The following MGRN1 variants were observed in gnomAD, a reference collection of about 807,000 sequenced individuals.
MGRN1 encodes E3 ubiquitin-protein ligase MGRN1.
Under a neutral mutation model 69.2 loss-of-function variants are expected in MGRN1, and 29 were observed. The observed-to-expected ratio is 0.42, with a 90% CI of 0.31 to 0.57. MGRN1 has a LOEUF of 0.57. Among genes scored for constraint, MGRN1 ranks in the 20% least tolerant of loss-of-function variants. MGRN1 has a pLI of 0.15. For missense variants in MGRN1, 998 were observed against 796.2 expected (o/e 1.25, Z -3.05); for synonymous variants, 470 against 344.2 (o/e 1.37, Z -4.04).
At chr16:4,654,201 G>A (rs538694455) in intron 4 of MGRN1, among the ~76,000 whole-genome samples, 5 of 152,282 alleles carry the variant, frequency 3.3e-5, no homozygotes, top group African/African-American at 1.2e-4. Flanking sequence ...TACCACCCGG[G>A]AAATTCCAAG....
intron 16 of MGRN1, chr16:4,687,564 C>CAAGAAA (rs1314315502): frequency 2.5e-6 from 2 of 799,070 alleles, no homozygotes; most frequent in African/African-American, 4.5e-5. Context: ...GACCCTGTCT[C>CAAGAAA]AAGAAAAAAA....
rs767317059 is a variant in MGRN1 at position 4,683,924 on chromosome 16, A to C, written c.1610A>C (p.Tyr537Ser). The change falls in exon 16 of 17, where the codon TAC becomes TCC. Residue 537 changes from tyrosine (Y) to serine (S), a missense_variant. By Grantham distance (144) the Tyr-to-Ser change is moderately radical. Transcript: ENST00000262370. ...GGCCGAGGCCCACCTGCTGACATCT[A>C]CCTGCCAGGTAAGGGGCTGGGGGTC... ...HCGRGPPADI[Y>S]LPGRPTSMET... 3.1e-5 allele frequency: 32 copies of C among 1,028,940 alleles called. No individual in the cohort carries two copies. The East Asian group carries it at 3.8e-4, about 12-fold the overall frequency. The allele number at this position is 1,028,940 out of a possible 1,614,324, so 63.7% of individuals were successfully genotyped here.
At chr16:4,667,052 G>C (rs1247416976) in intron 7 of MGRN1, among the ~76,000 whole-genome samples, 1 of 152,222 alleles carries the variant, frequency 6.6e-6, no homozygotes, top group African/African-American at 2.4e-5. Context: ...TGCCGTTGCA[G>C]GTCTGCGTGG....
At chr16:4,645,154 G>GGGTGGT (rs1203785394) in intron 1 of MGRN1, among the ~76,000 whole-genome samples, 1 of 148,570 alleles carries the variant, frequency 6.7e-6, no homozygotes, top group South Asian at 2.1e-4. Context: ...GCGGGGGTGG[G>GGGTGGT]GGTGGTGGTG....
At position 4,665,085 on chromosome 16, in the gene MGRN1, C is replaced by G. The variant is rs188689390; in HGVS notation, c.629-17C>G. ...CAGGCCCCGACTCTGACTACTCTGC[C>G]CCTCTCTCCCCAGCAGTGGTGGAAG... On this transcript the variant is annotated splice_polypyrimidine_tract_variant and intron_variant, in intron 6 of 16. Coordinates refer to ENST00000262370, the MANE Select transcript of MGRN1 (RefSeq NM_015246.4). 1 of 1,614,146 alleles carries G rather than the reference C, an allele frequency of 6.2e-7. No homozygotes were observed. Among genetic ancestry groups the G allele is most frequent in the East Asian group, 2.2e-5 (1 of 44,854 alleles).
chr16:4,686,264 G>C, intron 16 of MGRN1: 1 of 1,544,320 alleles, frequency 6.5e-7, no homozygotes, highest in Non-Finnish European at 8.7e-7. Context: ...CGCAGCCCTG[G>C]GGCCCGACTC....
At chr16:4,632,738 C>G (rs531039480) in intron 1 of MGRN1, among the ~76,000 whole-genome samples, 1 of 152,226 alleles carries the variant, frequency 6.6e-6, no homozygotes, top group African/African-American at 2.4e-5. Context: ...TCACCACTGT[C>G]TAATTCCAGA....
Position 4,657,319 on chromosome 16 carries a change from C to A in MGRN1, c.517C>A (p.Leu173Met). 6.2e-7 allele frequency: 1 copy of A among 1,614,162 alleles called. No individual in the cohort carries two copies. Among genetic ancestry groups the A allele is most frequent in the Non-Finnish European group, 8.5e-7 (1 of 1,179,962 alleles). ...GAGAGGGGTGAGCCAGCAGTTCTCC[C>A]TGCCCTCCTTCAAGATTGACTTCTC... ...YKRGVSQQFS[L>M]PSFKIDFSEW... The change falls in exon 5 of 17, where the codon CTG (leucine) becomes ATG (methionine). Residue 173 changes from leucine to methionine, a missense_variant. Transcript: ENST00000262370.
At chr16:4,647,011 G>A (rs2078288838) in intron 1 of MGRN1, among the ~76,000 whole-genome samples, 1 of 152,230 alleles carries the variant, frequency 6.6e-6, no homozygotes, top group Non-Finnish European at 1.5e-5. Context: ...CAGCGCTGGG[G>A]AGAGCCTGGA....
chr16:4,627,329 AACTTT>A (rs1211756192), intron 1 of MGRN1, among the ~76,000 whole-genome samples: 3 of 152,226 alleles, frequency 2.0e-5, no homozygotes, highest in African/African-American at 7.2e-5. Flanking sequence ...TTCTTAAGGG[AACTTT>A]CAGCATGTTC....
intron 10 of MGRN1, among the ~76,000 whole-genome samples, chr16:4,675,356 G>A (rs1012542051): frequency 6.6e-6 from 1 of 152,054 alleles, no homozygotes; most frequent in African/African-American, 2.4e-5. Flanking sequence ...AGTGGTCCTC[G>A]TGCCTCCTAA....
In MGRN1 at chr16:4,652,723, C is replaced by T. The variant is rs1002358516; in HGVS notation, c.342C>T (p.Pro114=). ...ADSPTEDGDK[P]RVLYSLEFTF... ...GCCCCACCGAGGACGGCGACAAGCC[C>T]CGGGTGCTCTACAGCCTGGAGTTCA... The change falls in exon 4 of 17, where the codon CCC becomes CCT. Residue 114 remains proline, a synonymous_variant. Coordinates refer to ENST00000262370, the MANE Select transcript of MGRN1 (RefSeq NM_015246.4). 3.4e-5 allele frequency: 55 copies of T among 1,613,028 alleles called. No homozygotes were observed. The highest frequency in any genetic ancestry group is 4.7e-5 in the Non-Finnish European group (55 of 1,179,586).
intron 7 of MGRN1, among the ~76,000 whole-genome samples, chr16:4,665,385 G>C (rs1183622044): frequency 6.8e-6 from 1 of 146,742 alleles, no homozygotes; most frequent in Non-Finnish European, 1.5e-5. Context: ...TTTCTTTCCT[G>C]AGCCGGGCTC....
intron 10 of MGRN1, 85 bp from the exon 11 acceptor site, chr16:4,677,378 G>C (rs1197454449): frequency 4.9e-6 from 5 of 1,017,272 alleles, no homozygotes; most frequent in Non-Finnish European, 6.9e-6. Flanking sequence ...TGGTGTGGGG[G>C]GGGTGTTGAT....
intron 16 of MGRN1, chr16:4,686,139 G>A (rs2079311301): frequency 1.7e-6 from 2 of 1,174,260 alleles, no homozygotes; most frequent in South Asian, 1.5e-5. Context: ...GGTTGCAGCA[G>A]AGTGTTTGTT....
At chr16:4,688,267 G>A (rs1355428134) in intron 16 of MGRN1, 15 of 985,684 alleles carry the variant, frequency 1.5e-5, no homozygotes, top group Non-Finnish European at 1.7e-5. Flanking sequence ...AGCGCCCGGC[G>A]GCGTCGTGCA....
chr16:4,667,231 C>T (rs1445871831), intron 7 of MGRN1, among the ~76,000 whole-genome samples: 1 of 152,214 alleles, frequency 6.6e-6, no homozygotes, highest in African/African-American at 2.4e-5. Flanking sequence ...GTGCAGAGTC[C>T]AGCTCTTACC....
At chr16:4,650,730 T>C in intron 2 of MGRN1, 1 of 375,968 alleles carries the variant, frequency 2.7e-6, no homozygotes, top group South Asian at 8.7e-5. Flanking sequence ...CCATACTGAA[T>C]GGGTGCGTCT....
chr16:4,639,670 G>T (rs1308261174), intron 1 of MGRN1: 1 of 152,266 alleles, frequency 6.6e-6, no homozygotes, highest in East Asian at 1.9e-4. Context: ...CCGTATTGGG[G>T]GTGTGGAGGA....
Sources: gnomAD v4.1 joint callset for allele counts (sites outside exome capture counted in the v4.1 genomes callset) on GRCh38, gnomAD v4.1.1 for gene constraint, MANE v1.5 for transcripts, NCBI Gene and HGNC (gene_info 2026-07-23, HGNC 2026-07-21) for gene names.